VAV2: variants seen among roughly 807,000 people sequenced by gnomAD.
The protein encoded by VAV2 is guanine nucleotide exchange factor VAV2.
In VAV2, 67 loss-of-function variants were observed where a neutral mutation model predicts 132.5. That is an observed-to-expected ratio of 0.51 (90% CI 0.42 to 0.62). The LOEUF (loss-of-function observed/expected upper bound fraction) is 0.62. VAV2 is among the 20% of genes least tolerant of loss of function. The pLI, the probability that VAV2 is intolerant of heterozygous loss-of-function variation, is 0.00. For synonymous variants in VAV2, 492 were observed against 443.5 expected (o/e 1.11, Z -1.37); for missense variants, 938 against 1,153.6 (o/e 0.81, Z 2.71).
chr9:133,876,946 T>G (rs1481368440), intron 2 of VAV2, among the ~76,000 whole-genome samples: 2 of 151,986 alleles, frequency 1.3e-5, no homozygotes, highest in Non-Finnish European at 2.9e-5. Flanking sequence ...AGTGGCCAGC[T>G]ACAGAGGGGA....
intron 7 of VAV2, among the ~76,000 whole-genome samples, chr9:133,808,272 G>C (rs1027183431): frequency 2.6e-5 from 4 of 152,222 alleles, no homozygotes; most frequent in Non-Finnish European, 5.9e-5. Context: ...AAGGACCAGA[G>C]GGTGGGGCAG....
intron 2 of VAV2, among the ~76,000 whole-genome samples, chr9:133,915,521 A>C (rs1840044426): frequency 6.6e-6 from 1 of 152,192 alleles, no homozygotes; most frequent in Non-Finnish European, 1.5e-5. Flanking sequence ...AGGAGCCCTC[A>C]CTGGGCCCCT....
chr9:133,843,305 C>T lies in VAV2; in HGVS notation c.381-8965G>A, dbSNP rs182268950. Reference sequence around the variant, plus strand: ...ACCAGGAAGGGCTTCTCGCAGGTGGCGGCAAGGGAGCTGGTGTGAAGAGTA... The same window carrying T: ...ACCAGGAAGGGCTTCTCGCAGGTGGTGGCAAGGGAGCTGGTGTGAAGAGTA... On this transcript the variant is annotated intron_variant, in intron 3 of 29. Transcript: ENST00000371850. Among the ~76,000 whole-genome samples the T allele has an allele frequency of 5.9e-3, 906 of 152,276 alleles. 3 individuals carry two copies. Among genetic ancestry groups the T allele is most frequent in the African/African-American group, 0.012 (507 of 41,554 alleles).
chr9:133,987,899 A>C (rs2132312966), intron 1 of VAV2, among the ~76,000 whole-genome samples: 1 of 152,266 alleles, frequency 6.6e-6, no homozygotes, highest in East Asian at 1.9e-4. Context: ...TTCAGAAGAA[A>C]TGACCAGGTG....
chr9:133,946,598 G>C (rs1315784174), intron 1 of VAV2, among the ~76,000 whole-genome samples: 1 of 152,220 alleles, frequency 6.6e-6, no homozygotes, highest in African/African-American at 2.4e-5. Context: ...AGCAGAGACC[G>C]ATTGCACGCC....
chr9:133,823,549 C>T lies in VAV2; in HGVS notation c.449+10723G>A, dbSNP rs1026554201. 1.3e-5 allele frequency among the ~76,000 whole-genome samples: 2 copies of T among 152,134 alleles called. No individual in the cohort carries two copies. The highest frequency in any genetic ancestry group is 4.8e-5 in the African/African-American group (2 of 41,416). ...ACGCTGAATACAAGGGAAATAACGTCAAAAGGGAGAAGTCTTCCTCTTCCT... is the reference window on the plus strand; with the variant it reads ...ACGCTGAATACAAGGGAAATAACGTTAAAAGGGAGAAGTCTTCCTCTTCCT... On this transcript the variant is annotated intron_variant, in intron 4 of 29. Transcript: ENST00000371850. This position sits in a 1 kb window ranked among gnomAD's most constrained non-coding sequence, Gnocchi z 5.5.
chr9:133,805,952 G>A (rs7859372), intron 9 of VAV2, 129 bp downstream of exon 9: 13,359 of 966,564 alleles, frequency 0.014, 439 homozygotes, highest in African/African-American at 0.092. Context: ...AAGGGAGGAC[G>A]GGGTCCAGAG....
intron 1 of VAV2, among the ~76,000 whole-genome samples, chr9:133,980,732 C>G (rs568514768): frequency 6.6e-6 from 1 of 152,228 alleles, no homozygotes; most frequent in Non-Finnish European, 1.5e-5. Flanking sequence ...CCTTATGTCT[C>G]TACTCATCAG....
intron 1 of VAV2, among the ~76,000 whole-genome samples, chr9:133,980,190 C>A (rs1842649325): frequency 6.6e-6 from 1 of 152,200 alleles, no homozygotes; most frequent in African/African-American, 2.4e-5. Context: ...TCCCACCAAC[C>A]CAAGGGGCCA....
chr9:133,821,170 G>A (rs778075197), intron 4 of VAV2, among the ~76,000 whole-genome samples: 10 of 152,304 alleles, frequency 6.6e-5, no homozygotes, highest in East Asian at 1.9e-4. Flanking sequence ...TCAGTGTCTC[G>A]GCTAGAAAGA....
chr9:133,884,423 T>G lies in VAV2; in HGVS notation c.322-22991A>C. ...GCTCACTGCAGTGGGCTGGCTGCCCTTCTCAACGCCCGCCACACTTTGTCA... is the reference window on the plus strand; with the variant it reads ...GCTCACTGCAGTGGGCTGGCTGCCCGTCTCAACGCCCGCCACACTTTGTCA... On this transcript the variant is annotated intron_variant, in intron 2 of 29. Coordinates refer to ENST00000371850, the MANE Select transcript of VAV2 (RefSeq NM_001134398.2). This position sits in a 1 kb window ranked among gnomAD's most constrained non-coding sequence, Gnocchi z 5.3. Among the ~76,000 whole-genome samples, 1 of 152,178 alleles carries G rather than the reference T, an allele frequency of 6.6e-6. No homozygotes were observed. The highest frequency in any genetic ancestry group is 1.9e-4 in the East Asian group (1 of 5,188).
rs1410223095 is a variant in VAV2 at position 133,820,323 on chromosome 9, C to CTTTTTTT, written c.450-8108_450-8107insAAAAAAA. Among the ~76,000 whole-genome samples the CTTTTTTT allele has an allele frequency of 6.0e-5, 9 of 149,076 alleles. 1 individual carries two copies. The highest frequency in any genetic ancestry group is 1.3e-4 in the African/African-American group (5 of 39,678). On this transcript the variant is annotated intron_variant, in intron 4 of 29. Coordinates refer to ENST00000371850, the MANE Select transcript of VAV2 (RefSeq NM_001134398.2). ...CATCTCCATAAACAAGTTTCTTTTT[C>CTTTTTTT]TTTTTCTTTTTTTTTTTTTTGAGAC...
intron 16 of VAV2, 128 bp downstream of exon 16, chr9:133,787,118 G>T: frequency 9.5e-7 from 1 of 1,055,364 alleles, no homozygotes; most frequent in Non-Finnish European, 1.3e-6. Flanking sequence ...GGGAGTGGAG[G>T]ACGAAGGACC....
rs773273011 is a variant in VAV2, at chr9:133,918,242, G to A, written c.321+20861C>T. Among the ~76,000 whole-genome samples the A allele has an allele frequency of 5.9e-5, 9 of 152,182 alleles. No homozygotes were observed. Among genetic ancestry groups the A allele is most frequent in the African/African-American group, 2.2e-4 (9 of 41,438 alleles). The stretch of plus-strand genomic sequence containing the variant: ...AAAGAGGACTCGGTGCCTCCAGCTC[G>A]GCTAGAAACTATTTTTAAACAAAGG... On this transcript the variant is annotated intron_variant, in intron 2 of 29. Transcript: ENST00000371850. This position sits in a 1 kb window ranked among gnomAD's most constrained non-coding sequence, Gnocchi z 4.7.
chr9:133,965,525 A>C (rs1223274753), intron 1 of VAV2, among the ~76,000 whole-genome samples: 1 of 151,578 alleles, frequency 6.6e-6, no homozygotes, highest in Non-Finnish European at 1.5e-5. Context: ...AGAAAGCAAT[A>C]CCATTTATAA....
chr9:133,874,630 G>A (rs1838191226), intron 2 of VAV2, among the ~76,000 whole-genome samples: 1 of 152,144 alleles, frequency 6.6e-6, no homozygotes, highest in Non-Finnish European at 1.5e-5. Context: ...AAGGGCAGGA[G>A]GGAGGGGTTC....
At chr9:133,931,272 G>A (rs1185510005) in intron 2 of VAV2, among the ~76,000 whole-genome samples, 1 of 152,214 alleles carries the variant, frequency 6.6e-6, no homozygotes, top group Non-Finnish European at 1.5e-5. Flanking sequence ...AACCTTCCAG[G>A]CAGGGGGCAG....
chr9:133,796,697 G>A (rs189611521), intron 10 of VAV2, among the ~76,000 whole-genome samples, 173 bp from the exon 11 acceptor site: 2 of 152,110 alleles, frequency 1.3e-5, no homozygotes, highest in African/African-American at 2.4e-5. Context: ...GTGTGCAGAG[G>A]GGGGGGCTTC....
At chr9:133,897,848 C>G (rs973438797) in intron 2 of VAV2, among the ~76,000 whole-genome samples, 11 of 152,200 alleles carry the variant, frequency 7.2e-5, no homozygotes, top group African/African-American at 2.7e-4. Flanking sequence ...AAAAACAACC[C>G]GCCCCCAGGC....
Sources: allele counts gnomAD v4.1 joint callset (sites outside exome capture counted in the v4.1 genomes callset), GRCh38; gene constraint gnomAD v4.1.1; non-coding constraint Gnocchi (gnomAD v3.1); transcripts MANE v1.5; gene names NCBI Gene and HGNC (gene_info 2026-07-23, HGNC 2026-07-21).